Variants in TJP2 observed in about 807,000 individuals in gnomAD.
The protein encoded by TJP2 is tight junction protein 2.
TJP2 carries 91 observed loss-of-function variants against 133.1 expected under a neutral mutation model. That is an observed-to-expected ratio of 0.68 (90% CI 0.58 to 0.81). TJP2 has a LOEUF of 0.81. Ranked by LOEUF, TJP2 falls within the 40% of genes least tolerant of loss-of-function variation. TJP2 has a pLI of 0.00. For missense variants in TJP2, 1,541 were observed against 1,565.6 expected, an observed-to-expected ratio of 0.98 and a Z score of 0.26; for synonymous variants, 592 against 583.4, an observed-to-expected ratio of 1.01 and a Z score of -0.21.
rs1830722229 is a variant in TJP2, at chr9:69,243,721, A to T, written c.2567-2969A>T. Among the ~76,000 whole-genome samples, 5 of 152,328 alleles carry T rather than the reference A, an allele frequency of 3.3e-5. No homozygotes were observed. In the South Asian group the frequency reaches 1.0e-3, roughly 32 times the overall value. On this transcript the variant is annotated intron_variant, in intron 17 of 22. Transcript: ENST00000377245. ...CCTGATTTCTCAAAGGATTATATAG[A>T]CTAGCTAGTTGACCACAGAAAAGAG...
intron 1 of TJP2, among the ~76,000 whole-genome samples, chr9:69,174,742 C>CT (rs1423100142): frequency 6.6e-6 from 1 of 150,706 alleles, no homozygotes; most frequent in Non-Finnish European, 1.5e-5. Flanking sequence ...CATCTCGTGT[C>CT]TGTTGTGTCG....
chr9:69,194,165 T>C (rs1372393634), intron 1 of TJP2, among the ~76,000 whole-genome samples: 1 of 151,840 alleles, frequency 6.6e-6, no homozygotes, highest in Non-Finnish European at 1.5e-5. Context: ...TCCTCTGCGC[T>C]CCCACAGCCT....
chr9:69,251,032 C>T lies in TJP2; in HGVS notation c.2992-3C>T, dbSNP rs748201535. 7 of 1,614,022 alleles carry T rather than the reference C, an allele frequency of 4.3e-6. No homozygotes were observed. The South Asian group carries it at 7.7e-5, about 18-fold the overall frequency. On this transcript the variant is annotated splice_region_variant and splice_polypyrimidine_tract_variant and intron_variant, in intron 20 of 22. Coordinates refer to ENST00000377245, the MANE Select transcript of TJP2 (RefSeq NM_004817.4). ...GGTGAAAACGTGTCATTGCTCTCCG[C>T]AGGCCAAAACCCAGAACAAAGAAGA...
chr9:69,244,094 G>A (rs1830753702), intron 17 of TJP2, among the ~76,000 whole-genome samples: 1 of 150,926 alleles, frequency 6.6e-6, no homozygotes, highest in Admixed American at 6.6e-5. Context: ...TGAGGTGGGA[G>A]GATCACTTAA....
chr9:69,219,593 T>C (rs1276622805), intron 4 of TJP2, among the ~76,000 whole-genome samples: 1 of 152,190 alleles, frequency 6.6e-6, no homozygotes. Flanking sequence ...TCTCAAGATG[T>C]CTTTTTCATT....
chr9:69,204,346 A>G (rs931222611), intron 1 of TJP2, among the ~76,000 whole-genome samples: 1 of 152,212 alleles, frequency 6.6e-6, no homozygotes, highest in Non-Finnish European at 1.5e-5. Context: ...TATGGTAGCA[A>G]GAATTGGCCA....
At position 69,254,395 on chromosome 9, in the gene TJP2, C is replaced by T; in HGVS notation, c.*21C>T. Reference sequence around the variant, plus strand: ...TATAGATGTCTGAGCACGGACTCTCCCAGGCCTGCCTGCATGGCATCAGAC... The same window carrying T: ...TATAGATGTCTGAGCACGGACTCTCTCAGGCCTGCCTGCATGGCATCAGAC... On this transcript the variant is annotated 3_prime_UTR_variant, in exon 23 of 23. Coordinates refer to ENST00000377245, the MANE Select transcript of TJP2 (RefSeq NM_004817.4). The T allele has an allele frequency of 1.9e-6, 3 of 1,613,560 alleles. No homozygotes were observed. The highest frequency in any genetic ancestry group is 2.5e-6 in the Non-Finnish European group (3 of 1,180,036).
At chr9:69,236,310 T>C in intron 13 of TJP2, 72 bp downstream of exon 13, 1 of 1,494,526 alleles carries the variant, frequency 6.7e-7, no homozygotes, top group East Asian at 2.3e-5. Context: ...CCGCCCCCCT[T>C]CCCCCGTAAA....
chr9:69,238,253 C>G (rs1830336515), intron 15 of TJP2, among the ~76,000 whole-genome samples: 1 of 152,206 alleles, frequency 6.6e-6, no homozygotes, highest in Non-Finnish European at 1.5e-5. Flanking sequence ...TCCCACATAA[C>G]TGCAATACCA....
chr9:69,128,684 G>A (rs11145382), intron 1 of TJP2, among the ~76,000 whole-genome samples: 109,237 of 151,782 alleles, frequency 0.72, 39,489 homozygotes, highest in Admixed American at 0.8. Context: ...CACCACGCCC[G>A]GCTAATTTTT....
intron 1 of TJP2, among the ~76,000 whole-genome samples, chr9:69,180,656 T>A (rs530228259): frequency 6.6e-6 from 1 of 152,320 alleles, no homozygotes; most frequent in East Asian, 1.9e-4. Context: ...CTTGGAAGAC[T>A]GTTCCTAGGT....
intron 2 of TJP2, among the ~76,000 whole-genome samples, chr9:69,153,891 C>T (rs533246899): frequency 6.6e-6 from 1 of 152,298 alleles, no homozygotes; most frequent in African/African-American, 2.4e-5. Flanking sequence ...GACGAATCAG[C>T]CTTGGGTGAG....
At chr9:69,235,715 T>A (rs1830139003) in intron 12 of TJP2, among the ~76,000 whole-genome samples, 1 of 152,218 alleles carries the variant, frequency 6.6e-6, no homozygotes, top group Non-Finnish European at 1.5e-5. Flanking sequence ...GAGGGCGATC[T>A]TCTTTGCTCA....
chr9:69,158,588 A>G (rs1023201978), intron 2 of TJP2, among the ~76,000 whole-genome samples: 1 of 151,870 alleles, frequency 6.6e-6, no homozygotes, highest in Non-Finnish European at 1.5e-5. Flanking sequence ...AAGGAAGCTT[A>G]TTCTTCTTCT....
intron 1 of TJP2, among the ~76,000 whole-genome samples, chr9:69,123,144 T>C (rs969934195): frequency 6.6e-6 from 1 of 152,210 alleles, no homozygotes; most frequent in East Asian, 1.9e-4. Flanking sequence ...CTGTCCAGTG[T>C]CAAGGAGTGC....
chr9:69,222,653 G>T (rs1443404414), intron 5 of TJP2, among the ~76,000 whole-genome samples: 2 of 152,176 alleles, frequency 1.3e-5, no homozygotes, highest in African/African-American at 4.8e-5. Context: ...ATCATTGGAA[G>T]AGCCAGGCTT....
At chr9:69,150,374 A>G (rs775358318) in intron 1 of TJP2, among the ~76,000 whole-genome samples, 5 of 149,890 alleles carry the variant, frequency 3.3e-5, no homozygotes, top group Non-Finnish European at 4.4e-5. Flanking sequence ...CCTCACTGCA[A>G]CCTCTGCCTC....
upstream of TJP2, chr9:69,173,952 G>C (rs1051571768): frequency 2.1e-5 from 21 of 985,168 alleles, no homozygotes; most frequent in Non-Finnish European, 2.4e-5. Flanking sequence ...CCATCGGGCT[G>C]GCGGGGGTGG....
In TJP2 at chr9:69,221,524, G is replaced by A. The variant is rs1385939063; in HGVS notation, c.952+28G>A. 4 of 1,592,406 alleles carry A rather than the reference G, an allele frequency of 2.5e-6. No homozygotes were observed. In the East Asian group the frequency reaches 9.0e-5, roughly 36 times the overall value. ...AGGCATGCTTGATGTGGGAAGAAAA[G>A]CACTGTTGTGATATGAATAACCTTT... On this transcript the variant is annotated intron_variant, in intron 5 of 22. Coordinates refer to ENST00000377245, the MANE Select transcript of TJP2 (RefSeq NM_004817.4).
Sources: gnomAD v4.1 joint callset for allele counts (sites outside exome capture counted in the v4.1 genomes callset) on GRCh38, gnomAD v4.1.1 for gene constraint, MANE v1.5 for transcripts, NCBI Gene and HGNC (gene_info 2026-07-23, HGNC 2026-07-21) for gene names.